The following ANO2 variants were observed in gnomAD, a reference collection of about 807,000 sequenced individuals.
ANO2 encodes the protein anoctamin-2.
Under a neutral mutation model 124.2 loss-of-function variants are expected in ANO2, and 101 were observed. The ratio of observed to expected loss-of-function variants is 0.81; its 90% confidence interval spans 0.69 to 0.96. The LOEUF is 0.96. Ranked by LOEUF, ANO2 falls within the 40% of genes least tolerant of loss-of-function variation. The pLI, the probability that ANO2 is intolerant of heterozygous loss-of-function variation, is 0.00. For missense variants in ANO2, 1,293 were observed against 1,274.5 expected (o/e 1.01, Z -0.22); for synonymous variants, 486 against 482.5 (o/e 1.01, Z -0.09).
chr12:5,836,384 A>G (rs770021046), intron 4 of ANO2, among the ~76,000 whole-genome samples: 2 of 152,230 alleles, frequency 1.3e-5, no homozygotes, highest in Non-Finnish European at 2.9e-5. Flanking sequence ...GGTATTTGGG[A>G]CATATACTAA....
chr12:5,686,821 C>T (rs1419467248), intron 14 of ANO2, among the ~76,000 whole-genome samples: 2 of 152,232 alleles, frequency 1.3e-5, no homozygotes, highest in Non-Finnish European at 2.9e-5. Flanking sequence ...TTAGTTCCTT[C>T]CTCACACAGA....
At chr12:5,642,689 G>A (rs1565513054) in intron 15 of ANO2, among the ~76,000 whole-genome samples, 1 of 152,050 alleles carries the variant, frequency 6.6e-6, no homozygotes, top group African/African-American at 2.4e-5. Flanking sequence ...CCTCCTATTA[G>A]GTGTTCTCAT....
chr12:5,727,758 C>T (rs1950497698), intron 14 of ANO2, among the ~76,000 whole-genome samples: 1 of 151,404 alleles, frequency 6.6e-6, no homozygotes, highest in Admixed American at 6.6e-5. Flanking sequence ...CTGCCTCAGC[C>T]TCCCCAGTAG....
chr12:5,570,912 C>T (rs910610580), intron 23 of ANO2, among the ~76,000 whole-genome samples: 2 of 152,060 alleles, frequency 1.3e-5, no homozygotes, highest in African/African-American at 4.8e-5. Context: ...TAATGAGTAG[C>T]ATGTCAATCC....
At chr12:5,928,041 T>C (rs1942167835) in intron 1 of ANO2, among the ~76,000 whole-genome samples, 1 of 152,088 alleles carries the variant, frequency 6.6e-6, no homozygotes, top group Non-Finnish European at 1.5e-5. Flanking sequence ...AGGGCCAGAT[T>C]GTGCAGAGAA....
Position 5,844,976 on chromosome 12 carries a change from A to G in ANO2, c.633+9067T>C, listed in dbSNP as rs551040910. On this transcript the variant is annotated intron_variant, in intron 4 of 24. Transcript: ENST00000682330. ...AAATTTTTTTTTTTTTTTTTTTAGT[A>G]AAACCAAAGACTAGGCTGGGCATGG... Among the ~76,000 whole-genome samples, 1,241 of 150,308 alleles carry G rather than the reference A, an allele frequency of 8.3e-3. 23 individuals carry two copies. The highest frequency in any genetic ancestry group is 0.027 in the African/African-American group (1,116 of 40,828).
intron 13 of ANO2, among the ~76,000 whole-genome samples, chr12:5,737,520 G>A (rs962709352): frequency 3.3e-5 from 5 of 152,228 alleles, no homozygotes; most frequent in Non-Finnish European, 1.5e-5. Flanking sequence ...ACAGCAAGAC[G>A]TGAGGGCTTC....
chr12:5,782,505 T>C (rs780037834), intron 10 of ANO2, among the ~76,000 whole-genome samples: 6 of 152,258 alleles, frequency 3.9e-5, no homozygotes, highest in Non-Finnish European at 8.8e-5. Context: ...AGAGCCACTG[T>C]AGAACTAACC....
intron 14 of ANO2, among the ~76,000 whole-genome samples, chr12:5,662,574 C>T (rs1026785578): frequency 3.3e-5 from 5 of 152,178 alleles, no homozygotes; most frequent in Admixed American, 6.5e-5. Flanking sequence ...GGACAGTCAT[C>T]GCTCTTATGC....
chr12:5,945,390 C>A (rs550554679), upstream of ANO2: 103 of 605,112 alleles, frequency 1.7e-4, no homozygotes, highest in African/African-American at 2.1e-3. Flanking sequence ...AGCCACAGCC[C>A]AGCTCTCCCC....
intron 16 of ANO2, among the ~76,000 whole-genome samples, chr12:5,619,231 TGTAGTGAATAGGATTAC>T (rs1944986964): frequency 6.6e-6 from 1 of 152,216 alleles, no homozygotes; most frequent in East Asian, 1.9e-4. Context: ...GATTGAGAAC[TGTAGTGAATAGGATTAC>T]TTTGCCGAGC....
chr12:5,848,213 A>T (rs1276111573), intron 4 of ANO2, among the ~76,000 whole-genome samples: 4 of 152,200 alleles, frequency 2.6e-5, no homozygotes, highest in Non-Finnish European at 5.9e-5. Flanking sequence ...TTGGCAAAAC[A>T]GATGCTGATT....
chr12:5,849,083 C>T (rs1187891961), intron 4 of ANO2, among the ~76,000 whole-genome samples: 2 of 152,174 alleles, frequency 1.3e-5, no homozygotes, highest in Non-Finnish European at 2.9e-5. Context: ...TACTTGCGTG[C>T]AAAGGACACA....
intron 1 of ANO2, among the ~76,000 whole-genome samples, chr12:5,942,287 G>A (rs1942928706): frequency 6.6e-6 from 1 of 152,098 alleles, no homozygotes; most frequent in African/African-American, 2.4e-5. Flanking sequence ...GGGTAGAATG[G>A]ACCAGAAAAG....
chr12:5,565,692 T>A, intron 23 of ANO2, 29 bp from the exon 24 acceptor site: 1 of 1,537,396 alleles, frequency 6.5e-7, no homozygotes, highest in Non-Finnish European at 8.8e-7. Flanking sequence ...GGTGTTAAGA[T>A]CAGGAGCGCA....
chr12:5,725,417 T>C (rs532714310), intron 14 of ANO2, among the ~76,000 whole-genome samples: 2 of 152,288 alleles, frequency 1.3e-5, no homozygotes, highest in Admixed American at 6.5e-5. Context: ...TAAAGTTACA[T>C]AGACTTATTG....
chr12:5,716,815 G>A (rs1173000304), intron 14 of ANO2, among the ~76,000 whole-genome samples: 1 of 152,150 alleles, frequency 6.6e-6, no homozygotes, highest in Non-Finnish European at 1.5e-5. Context: ...ATGGGCAGAA[G>A]AATTTCTTGG....
In ANO2 at chr12:5,563,107, A is replaced by C; in HGVS notation, c.*192T>G. 1.3e-6 allele frequency: 1 copy of C among 790,664 alleles called. No individual in the cohort carries two copies. The highest frequency in any genetic ancestry group is 1.9e-6 in the Non-Finnish European group (1 of 514,772). 49.0% of individuals were successfully genotyped at this position (790,664 alleles called of 1,614,324 possible). A position where few individuals can be genotyped will look rare whatever the true frequency, so the allele number is the denominator to read the frequency against. On this transcript the variant is annotated 3_prime_UTR_variant, in exon 25 of 25. Coordinates refer to ENST00000682330, the MANE Select transcript of ANO2 (RefSeq NM_001364791.2). ...GAAACTTAAGCTTGAAGTTTCTGAG[A>C]TGTAGCATCATTTCTCTTCCTTCCT...
At chr12:5,779,432 T>C (rs1952321989) in intron 10 of ANO2, among the ~76,000 whole-genome samples, 1 of 152,210 alleles carries the variant, frequency 6.6e-6, no homozygotes, top group African/African-American at 2.4e-5. Context: ...AAAAAGCCTT[T>C]AATAAGGACT....
Sources: allele counts gnomAD v4.1 joint callset (sites outside exome capture counted in the v4.1 genomes callset), GRCh38; gene constraint gnomAD v4.1.1; transcripts MANE v1.5; gene names NCBI Gene and HGNC (gene_info 2026-07-23, HGNC 2026-07-21).